The following TNRC18 variants were observed in gnomAD, a reference collection of about 807,000 sequenced individuals.
TNRC18 encodes the protein trinucleotide repeat-containing gene 18 protein.
TNRC18 carries 69 observed loss-of-function variants against 226.7 expected under a neutral mutation model. The ratio of observed to expected loss-of-function variants is 0.30; its 90% confidence interval spans 0.25 to 0.37. The LOEUF is 0.37. Ranked by LOEUF, TNRC18 falls within the 10% of genes least tolerant of loss-of-function variation. The probability of loss-of-function intolerance (pLI) is 1.00; values close to 1 mark genes in which losing one functional copy is unlikely to be tolerated. For missense variants in TNRC18, 4,754 were observed against 4,256.6 expected, an observed-to-expected ratio of 1.12 and a Z score of -3.25; for synonymous variants, 2,449 against 1,927.6, an observed-to-expected ratio of 1.27 and a Z score of -7.09.
rs1328304577 is a variant in TNRC18, at chr7:5,387,730, G to A, written c.2094C>T (p.Gly698=). 3.1e-6 allele frequency: 5 copies of A among 1,605,942 alleles called. No individual in the cohort carries two copies. Among genetic ancestry groups the A allele is most frequent in the Non-Finnish European group, 4.2e-6 (5 of 1,179,760 alleles). Residue 698 remains glycine, a synonymous_variant, in exon 5 of 30, where the codon GGC becomes GGT. Transcript: ENST00000430969. ...VARQKDSGGS[G]RLGPGLVDQE... is the part of the protein sequence containing the mutation. ...GGTCTACCAGCCCAGGCCCCAGCCG[G>A]CCACTGCCGCCACTGTCCTTCTGCC...
At chr7:5,340,997 G>A (rs971669082) in intron 18 of TNRC18, among the ~76,000 whole-genome samples, 7 of 152,160 alleles carry the variant, frequency 4.6e-5, no homozygotes, top group South Asian at 2.1e-4. Context: ...AGGACAGCCC[G>A]ACTTTTGCTG....
chr7:5,394,797 A>G lies in TNRC18; in HGVS notation c.188-202T>C, dbSNP rs1780555731. ...GATGGTCCTGGATCAACCCAACCAG[A>G]CCCAGGGCTTGAGAAAGCACAATAC... On this transcript the variant is annotated intron_variant, in intron 2 of 29. Transcript: ENST00000430969. This position sits in a 1 kb window ranked among gnomAD's most constrained non-coding sequence, Gnocchi z 4.5. Among the ~76,000 whole-genome samples, 1 of 151,710 alleles carries G rather than the reference A, an allele frequency of 6.6e-6. No individual in the cohort carries two copies. The highest frequency in any genetic ancestry group is 6.6e-5 in the Admixed American group (1 of 15,236).
Position 5,394,810 on chromosome 7 carries a change from G to C in TNRC18, c.188-215C>G, listed in dbSNP as rs1780556381. 6.6e-6 allele frequency among the ~76,000 whole-genome samples: 1 copy of C among 152,122 alleles called. No homozygotes were observed. On this transcript the variant is annotated intron_variant, in intron 2 of 29. Coordinates refer to ENST00000430969, the MANE Select transcript of TNRC18 (RefSeq NM_001080495.3). The surrounding 1 kb of genome is among the most constrained non-coding windows in gnomAD (Gnocchi z 4.5). ...CAACCCAACCAGACCCAGGGCTTGA[G>C]AAAGCACAATACGGCAGGAAGCCCC...
chr7:5,420,466 C>T (rs991691946), intron 2 of TNRC18: 45 of 452,868 alleles, frequency 9.9e-5, no homozygotes, highest in Middle Eastern at 6.5e-4. Context: ...CCCAGGGCCG[C>T]CGTTCTCCCG....
chr7:5,354,819 T>C (rs1303131399), intron 16 of TNRC18, among the ~76,000 whole-genome samples: 1 of 152,184 alleles, frequency 6.6e-6, no homozygotes, highest in Non-Finnish European at 1.5e-5. Context: ...TAAGCTCACT[T>C]AAGGCCCCCA....
chr7:5,389,471 T>TTTTTTTTTTCTTTC (rs549108764), intron 4 of TNRC18, 135 bp from the exon 5 acceptor site: 1 of 831,196 alleles, frequency 1.2e-6, no homozygotes, highest in Admixed American at 5.5e-5. Context: ...GTTTTTTTTT[T>TTTTTTTTTTCTTTC]CAGAAAGAGT....
intron 2 of TNRC18, 131 bp downstream of exon 2, chr7:5,420,929 G>C: frequency 8.7e-7 from 1 of 1,152,576 alleles, no homozygotes; most frequent in Non-Finnish European, 1.3e-6. Context: ...CCTGGGAGCC[G>C]AGTCTGCCCG....
In TNRC18 at chr7:5,420,960, G is replaced by A. The variant is rs575594973; in HGVS notation, c.187+100C>T. On this transcript the variant is annotated intron_variant, in intron 2 of 29. Coordinates refer to ENST00000430969, the MANE Select transcript of TNRC18 (RefSeq NM_001080495.3). ...GCCCGCACCCCCGTGGCCGACCGAA[G>A]GAGAGTCGCCGAGCCCCGGCCGCGA... The A allele has an allele frequency of 1.5e-5, 22 of 1,452,584 alleles. No individual in the cohort carries two copies. The East Asian group carries it at 4.2e-4, about 28-fold the overall frequency. The allele number at this position is 1,452,584 out of a possible 1,614,324, so 90.0% of individuals were successfully genotyped here.
chr7:5,414,322 G>T (rs10237045), intron 2 of TNRC18, among the ~76,000 whole-genome samples: 61,222 of 150,108 alleles, frequency 0.41, 13,357 homozygotes, highest in African/African-American at 0.55. Flanking sequence ...TATATTTATA[G>T]ATATAAAATA....
chr7:5,370,099 T>C (rs1794002789), intron 11 of TNRC18, among the ~76,000 whole-genome samples: 1 of 152,054 alleles, frequency 6.6e-6, no homozygotes, highest in African/African-American at 2.4e-5. Context: ...CAAAATCACT[T>C]GAGTCCAGGA....
rs576591453 is a variant in TNRC18 at position 5,324,458 on chromosome 7, G to A, written c.6301-103C>T. 3 of 1,475,218 alleles carry A rather than the reference G, an allele frequency of 2.0e-6. No homozygotes were observed. In the South Asian group the frequency reaches 3.7e-5, roughly 18 times the overall value. The allele number at this position is 1,475,218 out of a possible 1,614,324, so 91.4% of individuals were successfully genotyped here. On this transcript the variant is annotated intron_variant, in intron 20 of 29. Transcript: ENST00000430969. The surrounding 1 kb of genome is among the most constrained non-coding windows in gnomAD (Gnocchi z 4.8). ...CCTGGAGCCACAGTCAGGCCGCAGGGGGAATCTGTCATGTGCATGGCAGGG... is the reference window on the plus strand; with the variant it reads ...CCTGGAGCCACAGTCAGGCCGCAGGAGGAATCTGTCATGTGCATGGCAGGG...
rs1286886578 is a variant in TNRC18 at position 5,332,947 on chromosome 7, G to A, written c.5822C>T (p.Pro1941Leu). 6.4e-7 allele frequency: 1 copy of A among 1,552,002 alleles called. No individual in the cohort carries two copies. The highest frequency in any genetic ancestry group is 1.9e-5 in the Admixed American group (1 of 53,472). The change falls in exon 19 of 30, where the codon CCC (proline) becomes CTC (leucine). Residue 1941 changes from proline (P) to leucine (L), a missense_variant. Transcript: ENST00000430969. Reference protein sequence around the residue: ...RPKKGLGEPGPSLAAPTPGAR... With the variant: ...RPKKGLGEPGLSLAAPTPGAR... ...GCCAGGCGTGGGTGCGGCCAGGGAGGGTCCCGGCTCCCCCAGCCCCTTCTT... is the reference window on the plus strand; with the variant it reads ...GCCAGGCGTGGGTGCGGCCAGGGAGAGTCCCGGCTCCCCCAGCCCCTTCTT...
rs367873496 is a variant in TNRC18, at chr7:5,389,370, C to T, written c.488-34G>A. The T allele has an allele frequency of 6.9e-4, 852 of 1,239,454 alleles. 10 individuals are homozygous for T. In the African/African-American group the frequency reaches 0.012, roughly 18 times the overall value. The allele number at this position is 1,239,454 out of a possible 1,614,324, so 76.8% of individuals were successfully genotyped here. On this transcript the variant is annotated intron_variant, in intron 4 of 29. Transcript: ENST00000430969. ...AAGGGAACAGCAGGCAGTGAGCGAG[C>T]GCCACCTCCCCTCCCACCCCTGCCT... is the stretch of plus-strand genomic sequence containing the variant.
Position 5,309,355 on chromosome 7 carries a change from T to C in TNRC18, c.8402A>G (p.Lys2801Arg). The C allele has an allele frequency of 6.2e-7, 1 of 1,612,628 alleles. No individual in the cohort carries two copies. Among genetic ancestry groups the C allele is most frequent in the Non-Finnish European group, 8.5e-7 (1 of 1,179,302 alleles). Reference sequence around the variant, plus strand: ...GTAGAAGAGCTTGCGGGCCTTGCCCTTCATGCCACGCCGCTGCAAGGACAC... The same window carrying C: ...GTAGAAGAGCTTGCGGGCCTTGCCCCTCATGCCACGCCGCTGCAAGGACAC... Reference protein sequence around the residue: ...FGKPTQRRGMKGKARKLFYKA... With the variant: ...FGKPTQRRGMRGKARKLFYKA... Residue 2801 changes from lysine to arginine, a missense_variant, in exon 28 of 30, where the codon AAG (lysine) becomes AGG (arginine). Physicochemically the swap from Lys to Arg is conservative, Grantham distance 26 (BLOSUM62 2). Coordinates refer to ENST00000430969, the MANE Select transcript of TNRC18 (RefSeq NM_001080495.3). This position sits in a 1 kb window ranked among gnomAD's most constrained non-coding sequence, Gnocchi z 5.7.
chr7:5,396,929 TC>T (rs1206540635), intron 2 of TNRC18, among the ~76,000 whole-genome samples: 1 of 152,140 alleles, frequency 6.6e-6, no homozygotes, highest in Non-Finnish European at 1.5e-5. Flanking sequence ...GGGCACAGGA[TC>T]CCAGAATATC....
chr7:5,336,158 GA>G (rs1790096545), intron 18 of TNRC18, among the ~76,000 whole-genome samples: 1 of 149,454 alleles, frequency 6.7e-6, no homozygotes, highest in African/African-American at 2.5e-5. Context: ...CATGAGCAGA[GA>G]TCACACCACT....
intron 18 of TNRC18, among the ~76,000 whole-genome samples, chr7:5,334,823 G>A (rs1211597475): frequency 2.0e-5 from 3 of 152,180 alleles, no homozygotes; most frequent in Admixed American, 6.5e-5. Context: ...GGAGGCTCAC[G>A]TGGAAGGCAG....
At chr7:5,407,440 C>G (rs373598536) in intron 2 of TNRC18, 6 of 152,290 alleles carry the variant, frequency 3.9e-5, no homozygotes, top group Non-Finnish European at 7.3e-5. Flanking sequence ...CTCCAGCCTC[C>G]GCTCCAGCGG....
chr7:5,341,624 T>C (rs1229299655), intron 18 of TNRC18, among the ~76,000 whole-genome samples: 2 of 151,150 alleles, frequency 1.3e-5, no homozygotes, highest in African/African-American at 4.9e-5. Context: ...ATCAGCCACA[T>C]GTGGTGGTGC....
Sources: allele counts gnomAD v4.1 joint callset (sites outside exome capture counted in the v4.1 genomes callset), GRCh38; gene constraint gnomAD v4.1.1; non-coding constraint Gnocchi (gnomAD v3.1); transcripts MANE v1.5; gene names NCBI Gene and HGNC (gene_info 2026-07-23, HGNC 2026-07-21).